The following PFKFB3 variants were observed in gnomAD, a reference collection of about 807,000 sequenced individuals.
PFKFB3 encodes the protein 6-phosphofructo-2-kinase/fructose-2,6-bisphosphatase 3.
PFKFB3 carries 33 observed loss-of-function variants against 68.0 expected under a neutral mutation model. That is an observed-to-expected ratio of 0.49 (90% CI 0.37 to 0.65). The LOEUF (loss-of-function observed/expected upper bound fraction) is 0.65, where lower values mean the gene tolerates loss of function less well. PFKFB3 is among the 30% of genes least tolerant of loss of function. PFKFB3 has a pLI of 0.00. For missense variants in PFKFB3, 586 were observed against 712.2 expected, an observed-to-expected ratio of 0.82 and a Z score of 2.02; for synonymous variants, 315 against 288.2, an observed-to-expected ratio of 1.09 and a Z score of -0.94.
intron 13 of PFKFB3, among the ~76,000 whole-genome samples, chr10:6,225,735 G>A (rs992961365): frequency 7.4e-5 from 9 of 121,540 alleles, no homozygotes; most frequent in Non-Finnish European, 1.4e-4. Context: ...TAGTAGAGAT[G>A]GCTCTTCAGA....
chr10:6,184,122 G>A (rs1340950369), intron 1 of PFKFB3, among the ~76,000 whole-genome samples: 1 of 151,724 alleles, frequency 6.6e-6, no homozygotes, highest in Non-Finnish European at 1.5e-5. Context: ...GTGCCATCTC[G>A]GCTCACTGCA....
the PFKFB3 span, among the ~76,000 whole-genome samples, chr10:6,301,674 C>A: frequency 6.6e-6 from 1 of 152,192 alleles, no homozygotes; most frequent in Non-Finnish European, 1.5e-5. Context: ...TTCGTCTGCC[C>A]TCAAGAGCAG....
At chr10:6,175,516 T>C (rs2131759147) in intron 1 of PFKFB3, among the ~76,000 whole-genome samples, 1 of 152,326 alleles carries the variant, frequency 6.6e-6, no homozygotes, top group Middle Eastern at 3.4e-3. Context: ...AGCCCGGATC[T>C]CTCACTGACC....
chr10:6,194,422 A>G (rs1443447131), intron 1 of PFKFB3, among the ~76,000 whole-genome samples: 1 of 152,240 alleles, frequency 6.6e-6, no homozygotes, highest in Non-Finnish European at 1.5e-5. Flanking sequence ...AAAGTCTAGG[A>G]GCGGGCTCCT....
the PFKFB3 span, among the ~76,000 whole-genome samples, chr10:6,325,109 G>A: frequency 1.3e-5 from 2 of 151,940 alleles, no homozygotes; most frequent in Admixed American, 1.3e-4. Context: ...GGTTACAGGC[G>A]CCGGCCACCA....
At chr10:6,199,658 A>ATTTTTTTT (rs143309528), upstream of PFKFB3, among the ~76,000 whole-genome samples, 130 of 75,592 alleles carry the variant, frequency 1.7e-3, 7 homozygotes, top group Non-Finnish European at 2.1e-3. Context: ...CTATTTTTAA[A>ATTTTTTTT]TTTTTTTTTT....
rs1247021600 is a variant in PFKFB3, at chr10:6,224,018, A to C, written c.1274A>C (p.Tyr425Ser). The change falls in exon 12 of 15, where the codon TAT becomes TCT. Residue 425 changes from tyrosine (Y) to serine (S), a missense_variant and splice_region_variant. Physicochemically the swap from Tyr to Ser is moderately radical, Grantham distance 144. Coordinates refer to ENST00000379775, the MANE Select transcript of PFKFB3 (RefSeq NM_004566.4). The part of the protein sequence containing the change: ...HTVLKLTPVA[Y>S]GCRVESIYLN... Reference sequence around the variant, plus strand: ...GTCCTGAAACTGACGCCTGTCGCTTATGGTGAGTAGCAACCCCTGCCAAGC... The same window carrying C: ...GTCCTGAAACTGACGCCTGTCGCTTCTGGTGAGTAGCAACCCCTGCCAAGC... 1 of 1,614,174 alleles carries C rather than the reference A, an allele frequency of 6.2e-7. No individual in the cohort carries two copies. Among genetic ancestry groups the C allele is most frequent in the Non-Finnish European group, 8.5e-7 (1 of 1,179,984 alleles).
intron 1 of PFKFB3, among the ~76,000 whole-genome samples, chr10:6,183,031 A>G (rs944918621): frequency 4.6e-5 from 7 of 152,098 alleles, no homozygotes; most frequent in African/African-American, 1.7e-4. Context: ...GCCACAGCCC[A>G]TACACGCCCC....
the PFKFB3 span, among the ~76,000 whole-genome samples, chr10:6,321,017 T>A: frequency 6.6e-6 from 1 of 152,202 alleles, no homozygotes; most frequent in Non-Finnish European, 1.5e-5. Flanking sequence ...CTTTTTACCC[T>A]GCAGTGGACA....
the PFKFB3 span, among the ~76,000 whole-genome samples, chr10:6,271,659 G>T: frequency 1.3e-5 from 2 of 152,142 alleles, no homozygotes; most frequent in African/African-American, 4.8e-5. Context: ...TCTAACTAAG[G>T]TTGTGTAGAA....
At chr10:6,310,859 A>G in the PFKFB3 span, among the ~76,000 whole-genome samples, 357 of 152,354 alleles carry the variant, frequency 2.3e-3, 2 homozygotes, top group African/African-American at 8.2e-3. Context: ...ATAGAACTAT[A>G]ATCTACAATC....
upstream of PFKFB3, chr10:6,202,844 C>T: frequency 9.9e-7 from 1 of 1,013,000 alleles, no homozygotes; most frequent in Non-Finnish European, 1.2e-6. Flanking sequence ...GGGGCTGGGA[C>T]CCAAGGAATG....
intron 1 of PFKFB3, among the ~76,000 whole-genome samples, chr10:6,177,027 A>G (rs908887773): frequency 6.6e-6 from 1 of 152,026 alleles, no homozygotes; most frequent in African/African-American, 2.4e-5. Context: ...GTGGGAGACG[A>G]GCTTCTTGCA....
chr10:6,161,747 C>G (rs1162961838), intron 1 of PFKFB3, among the ~76,000 whole-genome samples: 1 of 152,128 alleles, frequency 6.6e-6, no homozygotes, highest in East Asian at 1.9e-4. Context: ...ATCCTCCCAC[C>G]TCAGCCTCCC....
At chr10:6,296,596 A>G in the PFKFB3 span, among the ~76,000 whole-genome samples, 1 of 152,342 alleles carries the variant, frequency 6.6e-6, no homozygotes, top group East Asian at 1.9e-4. Context: ...TGAGTTTTCT[A>G]GGAAAGAGGT....
chr10:6,284,222 T>C, the PFKFB3 span, among the ~76,000 whole-genome samples: 2 of 152,230 alleles, frequency 1.3e-5, no homozygotes, highest in African/African-American at 4.8e-5. Flanking sequence ...GCTGTTCAGT[T>C]CCACTGTGTT....
At chr10:6,254,666 C>G (rs1249996314), downstream of PFKFB3, 6 of 240,688 alleles carry the variant, frequency 2.5e-5, no homozygotes, top group African/African-American at 4.5e-5. Context: ...ATAAGATAGA[C>G]TTTGATGATT....
At chr10:6,259,617 T>TCCAC (rs1314371009), downstream of PFKFB3, among the ~76,000 whole-genome samples, 137 of 151,266 alleles carry the variant, frequency 9.1e-4, no homozygotes, top group African/African-American at 1.0e-3. Context: ...CATCCATCCA[T>TCCAC]CCACCCATCC....
the PFKFB3 span, among the ~76,000 whole-genome samples, chr10:6,292,590 G>A: frequency 2.0e-4 from 30 of 150,968 alleles, no homozygotes; most frequent in African/African-American, 6.3e-4. Context: ...TGCCTGGCCC[G>A]AAACCAGTGT....
Sources: gnomAD v4.1 joint callset for allele counts (sites outside exome capture counted in the v4.1 genomes callset) on GRCh38, gnomAD v4.1.1 for gene constraint, MANE v1.5 for transcripts, NCBI Gene and HGNC (gene_info 2026-07-23, HGNC 2026-07-21) for gene names.